DAPK1: variants seen among roughly 807,000 people sequenced by gnomAD.
DAPK1 encodes death associated protein kinase 1.
DAPK1 carries 56 observed loss-of-function variants against 144.9 expected under a neutral mutation model. That is an observed-to-expected ratio of 0.39 (90% CI 0.31 to 0.48). DAPK1 has a LOEUF of 0.48. DAPK1 is among the 20% of genes least tolerant of loss of function. The pLI is 0.95. For synonymous variants in DAPK1, 690 were observed against 749.0 expected, an observed-to-expected ratio of 0.92 and a Z score of 1.29; for missense variants, 1,454 against 1,875.4, an observed-to-expected ratio of 0.78 and a Z score of 4.15.
At chr9:87,690,248 T>TC in intron 21 of DAPK1, among the ~76,000 whole-genome samples, 3 of 152,286 alleles carry the variant, frequency 2.0e-5, no homozygotes, top group Admixed American at 6.5e-5. Flanking sequence ...CCTGAGTATT[T>TC]TATTTTTATT....
rs11291160 is a variant in DAPK1, at chr9:87,548,913, CTTTTTTTTTTTTTTT to C, written c.62+49787_62+49801del. Among the ~76,000 whole-genome samples the C allele has an allele frequency of 1.8e-3, 113 of 63,886 alleles. 2 individuals are homozygous for C. Among genetic ancestry groups the C allele is most frequent in the African/African-American group, 6.4e-3 (98 of 15,236 alleles). The allele number at this position is 63,886 out of a possible 152,430, so 41.9% of individuals were successfully genotyped here. Reference sequence around the variant, plus strand: ...ACCACCCACTGAGTGGATTTCATTCCTTTTTTTTTTTTTTTTTTTTTTTTTTTGGCTTTTAACTTT... The same window carrying C: ...ACCACCCACTGAGTGGATTTCATTCCTTTTTTTTTTTTGGCTTTTAACTTT... On this transcript the variant is annotated intron_variant, in intron 2 of 25. Transcript: ENST00000408954.
chr9:87,666,229 T>C (rs193061992), intron 18 of DAPK1, among the ~76,000 whole-genome samples: 23 of 152,274 alleles, frequency 1.5e-4, no homozygotes, highest in African/African-American at 4.3e-4. Context: ...AGGGTGCCAT[T>C]TTCCATCTTG....
chr9:87,653,860 A>ATT (rs1564050805), intron 17 of DAPK1, among the ~76,000 whole-genome samples: 4 of 151,732 alleles, frequency 2.6e-5, no homozygotes, highest in African/African-American at 4.8e-5. Flanking sequence ...TGCCCTGCTA[A>ATT]TTTTTGTATT....
At chr9:87,579,285 T>C (rs1379464878) in intron 2 of DAPK1, among the ~76,000 whole-genome samples, 1 of 152,152 alleles carries the variant, frequency 6.6e-6, no homozygotes, top group Non-Finnish European at 1.5e-5. Flanking sequence ...ATAAATGATG[T>C]TTGATTGAAG....
intron 2 of DAPK1, among the ~76,000 whole-genome samples, chr9:87,604,675 G>A (rs2118957895): frequency 6.6e-6 from 1 of 152,274 alleles, no homozygotes; most frequent in African/African-American, 2.4e-5. Context: ...CCCAGGACCT[G>A]AAGTGGGAGG....
intron 2 of DAPK1, chr9:87,525,601 A>C: frequency 5.8e-6 from 4 of 690,888 alleles, no homozygotes; most frequent in Non-Finnish European, 9.9e-6. Context: ...GAAGGCCAAA[A>C]TGTCAGTTTC....
Position 87,498,987 on chromosome 9 carries a change from T to C in DAPK1, c.-91T>C. The stretch of plus-strand genomic sequence containing the variant: ...TTCAAAAGGACTGGAGACTGATGCA[T>C]GAGGGGGCTACGGAGGCGCAGGAGC... On this transcript the variant is annotated 5_prime_UTR_variant, in exon 2 of 26. An upstream start codon of the reference 5' UTR is lost. Coordinates refer to ENST00000408954, the MANE Select transcript of DAPK1 (RefSeq NM_004938.4). 1.0e-6 allele frequency: 1 copy of C among 981,302 alleles called. No homozygotes were observed. The highest frequency in any genetic ancestry group is 1.3e-5 in the South Asian group (1 of 76,010). The allele number at this position is 981,302 out of a possible 1,614,324, so 60.8% of individuals were successfully genotyped here.
At chr9:87,642,675 C>T (rs1001024192) in intron 10 of DAPK1, among the ~76,000 whole-genome samples, 3 of 152,110 alleles carry the variant, frequency 2.0e-5, no homozygotes, top group Non-Finnish European at 4.4e-5. Flanking sequence ...TGGGTACCTA[C>T]CGTGTCTTCC....
intron 2 of DAPK1, among the ~76,000 whole-genome samples, chr9:87,510,702 C>T (rs185718524): frequency 1.3e-5 from 2 of 152,306 alleles, no homozygotes; most frequent in Admixed American, 6.5e-5. Flanking sequence ...ATGTTTATTT[C>T]GTTGCCTTAT....
intron 3 of DAPK1, among the ~76,000 whole-genome samples, chr9:87,628,401 C>A (rs770492513): frequency 1.3e-5 from 2 of 152,100 alleles, no homozygotes; most frequent in African/African-American, 4.8e-5. Context: ...TGTCTCTGAC[C>A]CCCTGAATCT....
At chr9:87,596,389 T>G (rs1828317581) in intron 2 of DAPK1, among the ~76,000 whole-genome samples, 1 of 151,702 alleles carries the variant, frequency 6.6e-6, no homozygotes. Flanking sequence ...CCGCAGAGAC[T>G]GGGGAAGGTA....
At chr9:87,696,012 G>C (rs1226508937) in intron 21 of DAPK1, among the ~76,000 whole-genome samples, 2 of 152,268 alleles carry the variant, frequency 1.3e-5, no homozygotes, top group East Asian at 3.9e-4. Flanking sequence ...TTAAGGATAT[G>C]TGAGCCTACA....
rs561456273 is a variant in DAPK1, at chr9:87,525,299, A to G, written c.62+26160A>G. 183 of 1,606,386 alleles carry G rather than the reference A, an allele frequency of 1.1e-4. 1 individual carries two copies. The African/African-American group carries it at 1.9e-3, about 17-fold the overall frequency. On this transcript the variant is annotated intron_variant, in intron 2 of 25. Transcript: ENST00000408954. ...TTTACCTCGTTGCACTCCTGAGAGC[A>G]AGATGGGTCACCAGCAGCTGTACTG...
intron 3 of DAPK1, among the ~76,000 whole-genome samples, chr9:87,605,770 G>A (rs964072335): frequency 2.6e-5 from 4 of 152,156 alleles, no homozygotes; most frequent in Admixed American, 6.5e-5. Flanking sequence ...AACTGATTGC[G>A]GCAGGTTATT....
intron 2 of DAPK1, among the ~76,000 whole-genome samples, chr9:87,543,359 T>A (rs547928769): frequency 6.6e-6 from 1 of 152,240 alleles, no homozygotes; most frequent in Non-Finnish European, 1.5e-5. Context: ...CACTTACAAA[T>A]GAACACTTTT....
intron 21 of DAPK1, among the ~76,000 whole-genome samples, chr9:87,695,686 C>G (rs577040776): frequency 3.7e-4 from 57 of 152,322 alleles, no homozygotes; most frequent in African/African-American, 1.4e-3. Flanking sequence ...AGCTCTGCAT[C>G]TCACACCCCT....
intron 11 of DAPK1, among the ~76,000 whole-genome samples, chr9:87,643,680 C>T (rs910181595): frequency 3.3e-5 from 5 of 151,944 alleles, no homozygotes; most frequent in African/African-American, 1.2e-4. Context: ...GTGCTGTCCC[C>T]CCTCATAGCC....
intron 2 of DAPK1, among the ~76,000 whole-genome samples, chr9:87,557,176 C>T (rs1826748990): frequency 6.6e-6 from 1 of 152,182 alleles, no homozygotes; most frequent in African/African-American, 2.4e-5. Context: ...TTTCAAACCT[C>T]TGGGCTCAGA....
chr9:87,621,339 G>A (rs889598598), intron 3 of DAPK1, among the ~76,000 whole-genome samples: 12 of 152,314 alleles, frequency 7.9e-5, no homozygotes, highest in Middle Eastern at 3.4e-3. Flanking sequence ...CCCACATCCC[G>A]TTTACAGCGA....
Sources: gnomAD v4.1 joint callset for allele counts (sites outside exome capture counted in the v4.1 genomes callset) on GRCh38, gnomAD v4.1.1 for gene constraint, MANE v1.5 for transcripts, NCBI Gene and HGNC (gene_info 2026-07-23, HGNC 2026-07-21) for gene names.